DPP10: variants seen among roughly 807,000 people sequenced by gnomAD.
The protein encoded by DPP10 is dipeptidyl peptidase like 10, also known as inactive dipeptidyl peptidase 10.
DPP10 carries 33 observed loss-of-function variants against 120.9 expected under a neutral mutation model. The observed-to-expected ratio is 0.27, with a 90% confidence interval of 0.21 to 0.37. The LOEUF (loss-of-function observed/expected upper bound fraction) is 0.37. Ranked by LOEUF, DPP10 falls within the 10% of genes least tolerant of loss-of-function variation. DPP10 has a pLI of 1.00. For missense variants in DPP10, 816 were observed against 942.8 expected, an observed-to-expected ratio of 0.87 and a Z score of 1.76; for synonymous variants, 337 against 326.1, an observed-to-expected ratio of 1.03 and a Z score of -0.36.
chr2:115,230,879 C>T lies in DPP10; in HGVS notation c.61-78360C>T, dbSNP rs2057704527. On this transcript the variant is annotated intron_variant, in intron 1 of 25. Transcript: ENST00000410059. ...TCTCTAATATCTGCAATATCAATCT[C>T]AAAGATTGAGAACTTCTGGCACACC... Among the ~76,000 whole-genome samples, 4 of 151,834 alleles carry T rather than the reference C, an allele frequency of 2.6e-5. 1 individual carries two copies. The South Asian group carries it at 8.3e-4, about 31-fold the overall frequency.
At chr2:115,385,301 G>T (rs926756868) in intron 3 of DPP10, among the ~76,000 whole-genome samples, 12 of 151,948 alleles carry the variant, frequency 7.9e-5, no homozygotes, top group Non-Finnish European at 1.3e-4. Flanking sequence ...TCCTTCTTCA[G>T]TCGATCACCG....
chr2:114,709,108 C>G (rs185594428), intron 1 of DPP10, among the ~76,000 whole-genome samples: 350 of 152,260 alleles, frequency 2.3e-3, no homozygotes, highest in South Asian at 6.2e-3. Context: ...GCTGGCCCTT[C>G]AAGCCAAGCC....
chr2:115,375,250 C>A (rs1245590677), intron 3 of DPP10, among the ~76,000 whole-genome samples: 1 of 152,122 alleles, frequency 6.6e-6, no homozygotes, highest in Non-Finnish European at 1.5e-5. Flanking sequence ...CAATAGATAT[C>A]CTAAATAATC....
intron 3 of DPP10, among the ~76,000 whole-genome samples, chr2:115,471,361 G>A (rs1454352383): frequency 6.6e-6 from 1 of 151,994 alleles, no homozygotes; most frequent in Non-Finnish European, 1.5e-5. Flanking sequence ...TCTTCTCTTT[G>A]AATATTGCCT....
At chr2:114,682,062 T>G (rs1699062756) in intron 1 of DPP10, among the ~76,000 whole-genome samples, 1 of 151,904 alleles carries the variant, frequency 6.6e-6, no homozygotes, top group Admixed American at 6.6e-5. Context: ...GTGCTGAAAA[T>G]TAAGGCACAA....
At position 114,532,296 on chromosome 2, in the gene DPP10, T is replaced by TATACAC. The variant is rs1342125338; in HGVS notation, c.60+89459_60+89460insTACACA. Among the ~76,000 whole-genome samples the TATACAC allele has an allele frequency of 4.1e-3, 305 of 74,346 alleles. 2 individuals carry two copies. Among genetic ancestry groups the TATACAC allele is most frequent in the Non-Finnish European group, 5.1e-3 (201 of 39,522 alleles). The allele number at this position is 74,346 out of a possible 152,430, so 48.8% of individuals were successfully genotyped here. A position where few individuals can be genotyped will look rare whatever the true frequency, so the allele number is the denominator to read the frequency against. ...ATATATATATATATATATATATATATACACACACACACACACACACAGATA... is the reference window on the plus strand; with the variant it reads ...ATATATATATATATATATATATATATATACACACACACACACACACACACACAGATA... On this transcript the variant is annotated intron_variant, in intron 1 of 25. Transcript: ENST00000410059.
chr2:115,249,046 T>G (rs911955217), intron 1 of DPP10, among the ~76,000 whole-genome samples: 47 of 152,156 alleles, frequency 3.1e-4, no homozygotes, highest in Admixed American at 2.4e-3. Context: ...AGCAATGATT[T>G]TTGAGATCTT....
intron 4 of DPP10, among the ~76,000 whole-genome samples, chr2:115,512,653 G>T (rs2077295462): frequency 6.6e-6 from 1 of 151,614 alleles, no homozygotes; most frequent in African/African-American, 2.4e-5. Flanking sequence ...TTGATTCATT[G>T]GTTATTTAGG....
At chr2:115,626,852 A>G (rs1377800421) in intron 5 of DPP10, among the ~76,000 whole-genome samples, 1 of 152,218 alleles carries the variant, frequency 6.6e-6, no homozygotes, top group African/African-American at 2.4e-5. Flanking sequence ...GGATGTCATT[A>G]TGCCTGTTTG....
chr2:115,698,729 C>A (rs1291920036), intron 7 of DPP10, among the ~76,000 whole-genome samples: 1 of 152,128 alleles, frequency 6.6e-6, no homozygotes, highest in East Asian at 1.9e-4. Context: ...ATCTTGGATT[C>A]TTTAGCCTCC....
intron 1 of DPP10, among the ~76,000 whole-genome samples, chr2:115,276,030 A>C (rs922275608): frequency 2.6e-5 from 4 of 152,220 alleles, no homozygotes; most frequent in African/African-American, 9.6e-5. Flanking sequence ...TCTTGGTGGC[A>C]GAAACATCTT....
At chr2:115,473,776 T>C (rs2074889494) in intron 3 of DPP10, among the ~76,000 whole-genome samples, 1 of 152,194 alleles carries the variant, frequency 6.6e-6, no homozygotes, top group African/African-American at 2.4e-5. Context: ...GGCTACTTTT[T>C]TGTGACATAG....
chr2:114,988,421 G>A (rs1574641968), intron 1 of DPP10, among the ~76,000 whole-genome samples: 1 of 152,186 alleles, frequency 6.6e-6, no homozygotes, highest in East Asian at 1.9e-4. Flanking sequence ...ATGGCAAAAA[G>A]CCAAGACTCT....
chr2:115,620,843 G>T (rs531543022), intron 5 of DPP10, among the ~76,000 whole-genome samples: 1 of 152,236 alleles, frequency 6.6e-6, no homozygotes, highest in East Asian at 1.9e-4. Context: ...TTTTGAGAGC[G>T]AAGAAAGCAG....
At chr2:114,453,078 A>T (rs1033117118) in intron 1 of DPP10, among the ~76,000 whole-genome samples, 2 of 152,148 alleles carry the variant, frequency 1.3e-5, no homozygotes, top group African/African-American at 2.4e-5. Context: ...TAAATATTGG[A>T]TCCTGTTGAA....
intron 1 of DPP10, among the ~76,000 whole-genome samples, chr2:115,014,440 G>A (rs1466516574): frequency 6.6e-6 from 1 of 151,988 alleles, no homozygotes; most frequent in African/African-American, 2.4e-5. Context: ...AAGAACTAGA[G>A]AGACAAGAGC....
intron 1 of DPP10, among the ~76,000 whole-genome samples, chr2:115,078,478 GT>G (rs1707975327): frequency 6.6e-6 from 1 of 152,124 alleles, no homozygotes; most frequent in East Asian, 1.9e-4. Flanking sequence ...TCCATTATAT[GT>G]TTTAAATTAA....
intron 3 of DPP10, among the ~76,000 whole-genome samples, chr2:115,378,529 T>C (rs1384779856): frequency 1.3e-5 from 2 of 151,660 alleles, no homozygotes; most frequent in South Asian, 2.1e-4. Context: ...CTTTTCCTAA[T>C]TGAATACCCT....
intron 1 of DPP10, among the ~76,000 whole-genome samples, chr2:114,615,583 G>T (rs1693614673): frequency 6.6e-6 from 1 of 152,070 alleles, no homozygotes. Context: ...AAAGTACTGG[G>T]GCATGCTGTC....
Sources: gnomAD v4.1 joint callset for allele counts (sites outside exome capture counted in the v4.1 genomes callset) on GRCh38, gnomAD v4.1.1 for gene constraint, MANE v1.5 for transcripts, NCBI Gene and HGNC (gene_info 2026-07-23, HGNC 2026-07-21) for gene names.